Variants in EPS15 observed in about 807,000 individuals in gnomAD.
EPS15 encodes the protein epidermal growth factor receptor substrate 15.
In EPS15, 72 loss-of-function variants were observed where a neutral mutation model predicts 113.8. The observed-to-expected ratio is 0.63, with a 90% CI of 0.52 to 0.77. EPS15 has a LOEUF of 0.77. Ranked by LOEUF, EPS15 falls within the 30% of genes least tolerant of loss-of-function variation. The pLI, the probability that EPS15 is intolerant of heterozygous loss-of-function variation, is 0.00. For synonymous variants in EPS15, 344 were observed against 363.4 expected (o/e 0.95, Z 0.61); for missense variants, 1,048 against 1,045.8 (o/e 1.00, Z -0.03).
At chr1:51,400,682 A>G (rs2148415709) in intron 19 of EPS15, among the ~76,000 whole-genome samples, 2 of 150,268 alleles carry the variant, frequency 1.3e-5, no homozygotes, top group East Asian at 1.9e-4. Flanking sequence ...GGGTGACAGA[A>G]TAAGACCCTG....
At position 51,403,545 on chromosome 1, in the gene EPS15, A is replaced by C; in HGVS notation, c.1678-13T>G. Reference sequence around the variant, plus strand: ...GACTACTTCTTGCCTACAAAATATTAATGCAAGTAGATTAACAATATACTT... The same window carrying C: ...GACTACTTCTTGCCTACAAAATATTCATGCAAGTAGATTAACAATATACTT... On this transcript the variant is annotated splice_polypyrimidine_tract_variant and intron_variant, in intron 16 of 24. Coordinates refer to ENST00000371733, the MANE Select transcript of EPS15 (RefSeq NM_001981.3). 1 of 1,418,000 alleles carries C rather than the reference A, an allele frequency of 7.1e-7. No homozygotes were observed. The highest frequency in any genetic ancestry group is 9.8e-7 in the Non-Finnish European group (1 of 1,023,278). 87.8% of individuals were successfully genotyped at this position (1,418,000 alleles called of 1,614,324 possible).
At chr1:51,421,695 T>C in intron 13 of EPS15, 91 bp downstream of exon 13, 1 of 669,640 alleles carries the variant, frequency 1.5e-6, no homozygotes, top group Non-Finnish European at 2.4e-6. Flanking sequence ...CTTGACCTAA[T>C]ACTACATCCA....
In EPS15 at chr1:51,508,384, G is replaced by GAAAGAA. The variant is rs1553139584; in HGVS notation, c.33+10814_33+10815insTTCTTT. Among the ~76,000 whole-genome samples, 82 of 145,878 alleles carry GAAAGAA rather than the reference G, an allele frequency of 5.6e-4. No homozygotes were observed. In the Middle Eastern group the frequency reaches 0.011, roughly 19 times the overall value. On this transcript the variant is annotated intron_variant, in intron 1 of 24. Coordinates refer to ENST00000371733, the MANE Select transcript of EPS15 (RefSeq NM_001981.3). ...AGAAAGAAAGAAAGAAAGAAAGAAA[G>GAAAGAA]AGAAAATTTAAACAAATACATATAA...
At chr1:51,369,378 G>T (rs1174214316) in intron 21 of EPS15, among the ~76,000 whole-genome samples, 1 of 152,156 alleles carries the variant, frequency 6.6e-6, no homozygotes, top group East Asian at 1.9e-4. Flanking sequence ...CTGCTGGGGG[G>T]AGTTCCAGAA....
At chr1:51,496,371 T>G (rs1464024704) in intron 1 of EPS15, among the ~76,000 whole-genome samples, 1 of 152,216 alleles carries the variant, frequency 6.6e-6, no homozygotes, top group Non-Finnish European at 1.5e-5. Flanking sequence ...TTGTAACATT[T>G]GAACTTGATA....
intron 21 of EPS15, among the ~76,000 whole-genome samples, chr1:51,367,381 C>A (rs1477677897): frequency 6.6e-6 from 1 of 151,772 alleles, no homozygotes; most frequent in African/African-American, 2.4e-5. Context: ...GCGAAACCCT[C>A]TCTCTACTAA....
At chr1:51,375,834 C>A (rs561144321) in intron 21 of EPS15, among the ~76,000 whole-genome samples, 5 of 151,696 alleles carry the variant, frequency 3.3e-5, no homozygotes, top group African/African-American at 4.8e-5. Flanking sequence ...ACAAACAAAC[C>A]AACATAAATA....
intron 4 of EPS15, among the ~76,000 whole-genome samples, chr1:51,468,828 G>A (rs1655037757): frequency 6.6e-6 from 1 of 152,122 alleles, no homozygotes; most frequent in South Asian, 2.1e-4. Flanking sequence ...GAATACTCAT[G>A]TTTAAAATAA....
chr1:51,444,134 T>C (rs972999644), intron 11 of EPS15, among the ~76,000 whole-genome samples: 17 of 152,122 alleles, frequency 1.1e-4, no homozygotes, highest in Admixed American at 2.0e-4. Context: ...TTATAGGCCA[T>C]AAGAGATTTA....
At chr1:51,472,057 T>A (rs566274896) in intron 3 of EPS15, among the ~76,000 whole-genome samples, 1 of 152,164 alleles carries the variant, frequency 6.6e-6, no homozygotes, top group South Asian at 2.1e-4. Flanking sequence ...ATGTATTTTA[T>A]GTGTGGCCCA....
At position 51,355,317 on chromosome 1, in the gene EPS15, G is replaced by C; in HGVS notation, c.*1383C>G. On this transcript the variant is annotated 3_prime_UTR_variant, in exon 25 of 25. Coordinates refer to ENST00000371733, the MANE Select transcript of EPS15 (RefSeq NM_001981.3). ...ACACAGATCAATACCACCTTGACTT[G>C]TTGACCCAGAGAATTCTAATTAGAT... 2 of 217,122 alleles carry C rather than the reference G, an allele frequency of 9.2e-6. No homozygotes were observed. Among genetic ancestry groups the C allele is most frequent in the Non-Finnish European group, 1.9e-5 (2 of 108,022 alleles). The allele number at this position is 217,122 out of a possible 1,614,324, so 13.4% of individuals were successfully genotyped here.
chr1:51,463,584 T>G, intron 7 of EPS15, 89 bp downstream of exon 7: 1 of 673,134 alleles, frequency 1.5e-6, no homozygotes, highest in Non-Finnish European at 2.3e-6. Flanking sequence ...ATTTGTATAT[T>G]TTTAACAAAG....
intron 12 of EPS15, among the ~76,000 whole-genome samples, chr1:51,436,275 A>G (rs996204767): frequency 2.0e-4 from 30 of 152,150 alleles, no homozygotes; most frequent in African/African-American, 7.0e-4. Context: ...GAGGGATCTG[A>G]GTTGTATTTT....
intron 7 of EPS15, 183 bp downstream of exon 7, chr1:51,463,490 C>T (rs950783864): frequency 2.2e-6 from 1 of 457,874 alleles, no homozygotes; most frequent in African/African-American, 2.0e-5. Flanking sequence ...CAGGGAATAA[C>T]CAAATACAGA....
At chr1:51,447,918 C>T (rs957362801) in intron 9 of EPS15, 128 bp downstream of exon 9, 31 of 1,359,744 alleles carry the variant, frequency 2.3e-5, no homozygotes, top group African/African-American at 4.4e-5. Context: ...AATCCTTTAA[C>T]ACTGATAAAT....
At position 51,355,657 on chromosome 1, in the gene EPS15, C is replaced by T. The variant is rs373150841; in HGVS notation, c.*1043G>A. On this transcript the variant is annotated 3_prime_UTR_variant, in exon 25 of 25. Coordinates refer to ENST00000371733, the MANE Select transcript of EPS15 (RefSeq NM_001981.3). ...AAGCAATATGATATAAAACACATCA[C>T]TTTTTCTATTTGTATTCAGTGAAAG... The T allele has an allele frequency of 5.3e-6, 1 of 188,756 alleles. No homozygotes were observed. Among genetic ancestry groups the T allele is most frequent in the Non-Finnish European group, 1.1e-5 (1 of 90,198 alleles). 11.7% of individuals were successfully genotyped at this position (188,756 alleles called of 1,614,324 possible). A position where few individuals can be genotyped will look rare whatever the true frequency, so the allele number is the denominator to read the frequency against.
chr1:51,516,552 T>C (rs1644720876), intron 1 of EPS15, among the ~76,000 whole-genome samples: 1 of 152,172 alleles, frequency 6.6e-6, no homozygotes, highest in African/African-American at 2.4e-5. Flanking sequence ...AGATAATTTA[T>C]TTTGGTGGCT....
Position 51,379,280 on chromosome 1 carries a change from C to G in EPS15, c.2120-13251G>C, listed in dbSNP as rs12144036. Among the ~76,000 whole-genome samples, 160 of 152,198 alleles carry G rather than the reference C, an allele frequency of 1.1e-3. 1 individual carries two copies. The highest frequency in any genetic ancestry group is 3.7e-3 in the African/African-American group (155 of 41,534). On this transcript the variant is annotated intron_variant, in intron 21 of 24. Transcript: ENST00000371733. ...GACTACAGGCGCAAGCCACCACGCC[C>G]GGATAATTTTTGTATTTTTAGTAGA...
intron 4 of EPS15, among the ~76,000 whole-genome samples, chr1:51,470,404 G>A (rs1655150609): frequency 6.6e-6 from 1 of 152,114 alleles, no homozygotes; most frequent in Non-Finnish European, 1.5e-5. Context: ...CAGCACTTTG[G>A]GAGGCCGAGG....
Sources: gnomAD v4.1 joint callset for allele counts (sites outside exome capture counted in the v4.1 genomes callset) on GRCh38, gnomAD v4.1.1 for gene constraint, MANE v1.5 for transcripts, NCBI Gene and HGNC (gene_info 2026-07-23, HGNC 2026-07-21) for gene names.